Variants in CCDC3 observed in about 807,000 individuals in gnomAD.
The protein encoded by CCDC3 is coiled-coil domain containing 3.
Under a neutral mutation model 21.4 loss-of-function variants are expected in CCDC3, and 24 were observed. The observed-to-expected ratio is 1.12, with a 90% CI of 0.81 to 1.58. The LOEUF (loss-of-function observed/expected upper bound fraction) is 1.58, where lower values mean the gene tolerates loss of function less well. CCDC3 is among the 40% of genes most tolerant of loss of function. CCDC3 has a pLI of 0.00. For missense variants in CCDC3, 425 were observed against 360.9 expected, an observed-to-expected ratio of 1.18 and a Z score of -1.44; for synonymous variants, 186 against 166.0, an observed-to-expected ratio of 1.12 and a Z score of -0.93.
chr10:13,040,850 C>T (rs1836445301), intron 5 of CCDC3, among the ~76,000 whole-genome samples: 1 of 152,148 alleles, frequency 6.6e-6, no homozygotes. Flanking sequence ...ATGTACGATG[C>T]TGGAGTCCTA....
intron 3 of CCDC3, among the ~76,000 whole-genome samples, chr10:13,090,516 C>T (rs370504676): frequency 1.3e-5 from 2 of 152,280 alleles, no homozygotes; most frequent in African/African-American, 2.4e-5. Flanking sequence ...TCCATATTTC[C>T]AAGCTTAATC....
Position 12,922,235 on chromosome 10 carries a change from C to T in CCDC3, c.550-23556G>A, listed in dbSNP as rs143723528. On this transcript the variant is annotated intron_variant, in intron 2 of 2. Coordinates refer to ENST00000378825, the MANE Select transcript of CCDC3 (RefSeq NM_031455.4). ...TGAGTGCCGTGTTTGTGAATCCAGT[C>T]TACAGCGTGAGCTGCCCACGGAGCA... is the stretch of plus-strand genomic sequence containing the variant. 2.0e-5 allele frequency among the ~76,000 whole-genome samples: 3 copies of T among 152,316 alleles called. No homozygotes were observed. The East Asian group carries it at 5.8e-4, about 29-fold the overall frequency.
At chr10:13,057,196 A>G (rs1836691653) in intron 4 of CCDC3, among the ~76,000 whole-genome samples, 1 of 152,164 alleles carries the variant, frequency 6.6e-6, no homozygotes, top group Admixed American at 6.5e-5. Flanking sequence ...CAGGGGGCTG[A>G]GGCAGGAGGA....
intron 5 of CCDC3, among the ~76,000 whole-genome samples, chr10:13,038,251 A>G (rs904214344): frequency 9.2e-5 from 14 of 151,920 alleles, no homozygotes; most frequent in African/African-American, 3.4e-4. Context: ...AGAGTAGTTA[A>G]TGGATTCCGG....
At chr10:13,074,153 A>ATATATTTTTTTTT (rs1365749317) in intron 3 of CCDC3, 1 of 64,306 alleles carries the variant, frequency 1.6e-5, no homozygotes, top group East Asian at 5.7e-4. Flanking sequence ...ATATATATAT[A>ATATATTTTTTTTT]TTTTTTTTTT....
intron 2 of CCDC3, among the ~76,000 whole-genome samples, chr10:12,926,514 A>G (rs1834542412): frequency 2.0e-5 from 3 of 152,144 alleles, no homozygotes. Context: ...CCTTATGGAG[A>G]GGGCTTGCTT....
chr10:12,913,035 T>C (rs1834294026), intron 2 of CCDC3, among the ~76,000 whole-genome samples: 1 of 152,248 alleles, frequency 6.6e-6, no homozygotes, highest in Non-Finnish European at 1.5e-5. Flanking sequence ...AATCAGGTAG[T>C]ACAATGCTTC....
chr10:13,075,485 T>A (rs1836952590), intron 3 of CCDC3, among the ~76,000 whole-genome samples: 1 of 151,758 alleles, frequency 6.6e-6, no homozygotes, highest in Non-Finnish European at 1.5e-5. Context: ...GGTAGGTGGG[T>A]AATGGTTTAG....
At chr10:13,027,534 A>G (rs943476333) in intron 5 of CCDC3, among the ~76,000 whole-genome samples, 2 of 152,022 alleles carry the variant, frequency 1.3e-5, no homozygotes, top group Non-Finnish European at 2.9e-5. Flanking sequence ...AGCAACCGCC[A>G]TATGTCATAT....
At chr10:12,938,837 T>C (rs1015763318) in intron 2 of CCDC3, among the ~76,000 whole-genome samples, 1 of 152,222 alleles carries the variant, frequency 6.6e-6, no homozygotes, top group Non-Finnish European at 1.5e-5. Context: ...GTCTCCTATA[T>C]AATGCCTGCT....
chr10:12,905,955 T>C (rs1247731184), intron 2 of CCDC3, among the ~76,000 whole-genome samples: 2 of 152,238 alleles, frequency 1.3e-5, no homozygotes, highest in African/African-American at 4.8e-5. Context: ...TCAGGGACTC[T>C]GGGGAGCTTG....
At chr10:12,909,036 C>A (rs1380426907) in intron 2 of CCDC3, among the ~76,000 whole-genome samples, 1 of 152,208 alleles carries the variant, frequency 6.6e-6, no homozygotes, top group Non-Finnish European at 1.5e-5. Context: ...GGTCTAGATG[C>A]AAGGCTCCAT....
chr10:12,944,325 A>G lies in CCDC3; in HGVS notation c.550-45646T>C, dbSNP rs140905037. ...TGGAGGCTTCATCTACGTGACAAGA[A>G]CCTTGGCTTCCACAACCCCCTTCTC... On this transcript the variant is annotated intron_variant, in intron 2 of 2. Coordinates refer to ENST00000378825, the MANE Select transcript of CCDC3 (RefSeq NM_031455.4). Among the ~76,000 whole-genome samples, 488 of 152,216 alleles carry G rather than the reference A, an allele frequency of 3.2e-3. 4 individuals carry two copies. Among genetic ancestry groups the G allele is most frequent in the African/African-American group, 0.011 (449 of 41,524 alleles).
chr10:12,981,262 T>C (rs1835493774), intron 2 of CCDC3, among the ~76,000 whole-genome samples: 1 of 145,068 alleles, frequency 6.9e-6, no homozygotes, highest in Admixed American at 7.2e-5. Flanking sequence ...TCATGGCAAC[T>C]GCCGCCTCCC....
chr10:12,901,419 C>T (rs751747931), intron 2 of CCDC3, among the ~76,000 whole-genome samples: 24 of 152,044 alleles, frequency 1.6e-4, no homozygotes, highest in African/African-American at 5.3e-4. Context: ...ACTACAGGCA[C>T]GAGCCACCAA....
At chr10:12,919,552 T>A (rs1834413130) in intron 2 of CCDC3, among the ~76,000 whole-genome samples, 1 of 143,758 alleles carries the variant, frequency 7.0e-6, no homozygotes, top group African/African-American at 2.6e-5. Flanking sequence ...ATCATGCCAC[T>A]GCACTCCAGC....
chr10:12,974,930 G>C (rs890547776), intron 2 of CCDC3, among the ~76,000 whole-genome samples: 1 of 152,148 alleles, frequency 6.6e-6, no homozygotes, highest in East Asian at 1.9e-4. Context: ...ACAGTACCTG[G>C]TGTTTTCTAC....
intron 5 of CCDC3, among the ~76,000 whole-genome samples, chr10:13,035,919 A>G (rs2782285): frequency 0.56 from 85,429 of 151,968 alleles, 24,270 homozygotes; most frequent in Non-Finnish European, 0.62. Flanking sequence ...GCCAAGGCGG[A>G]TGGATCATGA....
At chr10:12,904,923 A>C (rs1834147457) in intron 2 of CCDC3, among the ~76,000 whole-genome samples, 3 of 152,206 alleles carry the variant, frequency 2.0e-5, no homozygotes, top group Admixed American at 2.0e-4. Flanking sequence ...GTTTGTATCA[A>C]GCTAAACAAA....
Sources: gnomAD v4.1 joint callset for allele counts (sites outside exome capture counted in the v4.1 genomes callset) on GRCh38, gnomAD v4.1.1 for gene constraint, MANE v1.5 for transcripts, NCBI Gene and HGNC (gene_info 2026-07-23, HGNC 2026-07-21) for gene names.